The following ECRG4 variants were observed in gnomAD, a reference collection of about 807,000 sequenced individuals.
The protein encoded by ECRG4 is ECRG4 augurin precursor, also known as augurin.
A neutral mutation model predicts 15.8 loss-of-function variants in ECRG4; 18 were observed. That is an observed-to-expected ratio of 1.14 (90% confidence interval 0.79 to 1.69). ECRG4 has a LOEUF of 1.69. ECRG4 is among the 40% of genes most tolerant of loss of function. The pLI is 0.00. For synonymous variants in ECRG4, 82 were observed against 73.9 expected (o/e 1.11, Z -0.56); for missense variants, 200 against 190.9 (o/e 1.05, Z -0.28).
intron 3 of ECRG4, among the ~76,000 whole-genome samples, chr2:106,077,262 T>A (rs372421207): frequency 4.6e-5 from 7 of 152,198 alleles, no homozygotes; most frequent in African/African-American, 1.7e-4. Flanking sequence ...AGAGTCACCA[T>A]CAAATGTACC....
chr2:106,070,350 C>A (rs1008534861), intron 1 of ECRG4, among the ~76,000 whole-genome samples: 1 of 152,200 alleles, frequency 6.6e-6, no homozygotes, highest in African/African-American at 2.4e-5. Context: ...GGCCAGCAGG[C>A]TCCCTGGATG....
rs4271786 is a variant in ECRG4, at chr2:106,065,770, T to C, written c.6T>C (p.Ala2=). ...CCTGCTCGCGCCCCGCCGCCATGGCTGCCTCCCCCGCGCGGCCTGCTGTCC... is the reference window on the plus strand; with the variant it reads ...CCTGCTCGCGCCCCGCCGCCATGGCCGCCTCCCCCGCGCGGCCTGCTGTCC... M[A]ASPARPAVLA... is the part of the protein sequence containing the mutation. Residue 2 remains alanine (A), a synonymous_variant, in exon 1 of 4, where the codon GCT becomes GCC. Coordinates refer to ENST00000238044, the MANE Select transcript of ECRG4 (RefSeq NM_032411.3). 324,616 of 1,476,892 alleles carry C rather than the reference T, an allele frequency of 0.22. 37,443 individuals carry two copies. The highest frequency in any genetic ancestry group is 0.32 in the South Asian group (24,873 of 77,286). 91.5% of individuals were successfully genotyped at this position (1,476,892 alleles called of 1,614,324 possible).
At chr2:106,075,446 G>A (rs1676465114) in intron 3 of ECRG4, among the ~76,000 whole-genome samples, 1 of 152,236 alleles carries the variant, frequency 6.6e-6, no homozygotes, top group Non-Finnish European at 1.5e-5. Context: ...GCAGGGACGG[G>A]CATGGTGGCT....
chr2:106,067,182 C>T (rs1315514470), intron 1 of ECRG4, among the ~76,000 whole-genome samples: 1 of 151,146 alleles, frequency 6.6e-6, no homozygotes, highest in Non-Finnish European at 1.5e-5. Flanking sequence ...ATCCCAGCTA[C>T]TCGGGAGGCT....
intron 2 of ECRG4, among the ~76,000 whole-genome samples, chr2:106,072,812 C>G (rs2104796281): frequency 6.6e-6 from 1 of 152,338 alleles, no homozygotes; most frequent in South Asian, 2.1e-4. Flanking sequence ...GTGTGGTGGC[C>G]AGAGCCTTAC....
chr2:106,074,697 T>C (rs1189596898), intron 3 of ECRG4, among the ~76,000 whole-genome samples: 1 of 152,164 alleles, frequency 6.6e-6, no homozygotes, highest in Non-Finnish European at 1.5e-5. Context: ...TGGGCATCCA[T>C]CCATGGTGAC....
chr2:106,076,057 T>C (rs910007508), intron 3 of ECRG4, among the ~76,000 whole-genome samples: 1 of 152,224 alleles, frequency 6.6e-6, no homozygotes, highest in Admixed American at 6.5e-5. Context: ...GGCTCACGCC[T>C]GTAATCCTAG....
At chr2:106,076,179 G>A (rs370195788) in intron 3 of ECRG4, among the ~76,000 whole-genome samples, 8 of 152,060 alleles carry the variant, frequency 5.3e-5, no homozygotes, top group East Asian at 1.9e-4. Flanking sequence ...TTAGCCAGGC[G>A]TGGTGGCAGA....
chr2:106,065,638 C>G (rs1573356124), upstream of ECRG4: 1 of 655,828 alleles, frequency 1.5e-6, no homozygotes, highest in East Asian at 3.6e-5. Flanking sequence ...CGCTGGGTCC[C>G]GCCCCGGCAG....
At chr2:106,072,763 C>T (rs1471210678) in intron 2 of ECRG4, among the ~76,000 whole-genome samples, 1 of 152,202 alleles carries the variant, frequency 6.6e-6, no homozygotes, top group East Asian at 1.9e-4. Flanking sequence ...GGCCCACCCC[C>T]AATCTCTGAG....
At position 106,073,951 on chromosome 2, in the gene ECRG4, C is replaced by G; in HGVS notation, c.193C>G (p.Leu65Val). The G allele has an allele frequency of 6.2e-7, 1 of 1,614,212 alleles. No homozygotes were observed. Among genetic ancestry groups the G allele is most frequent in the South Asian group, 1.1e-5 (1 of 91,090 alleles). ...TAAAGCCAAAGAATTCCTTGGCAGC[C>G]TGAAGCGCCAGAAGCGGCAGCTGTG... ...ENKAKEFLGS[L>V]KRQKRQLWDR... Residue 65 changes from leucine (L) to valine (V), a missense_variant, in exon 3 of 4, where the codon CTG becomes GTG. By Grantham distance (32) the Leu-to-Val change is conservative. Coordinates refer to ENST00000238044, the MANE Select transcript of ECRG4 (RefSeq NM_032411.3).
At chr2:106,064,164 A>G (rs1464552678), upstream of ECRG4, 1 of 152,260 alleles carries the variant, frequency 6.6e-6, no homozygotes, top group Non-Finnish European at 1.5e-5. Flanking sequence ...TCCCCAAGAT[A>G]GCTAGATGTG....
chr2:106,068,840 G>A (rs1191477772), intron 1 of ECRG4, among the ~76,000 whole-genome samples: 1 of 152,196 alleles, frequency 6.6e-6, no homozygotes, highest in Non-Finnish European at 1.5e-5. Context: ...TGGAAGGGAA[G>A]TAGAGCGTTA....
At chr2:106,065,529 T>A, upstream of ECRG4, 1 of 360,720 alleles carries the variant, frequency 2.8e-6, no homozygotes, top group Non-Finnish European at 4.9e-6. Context: ...AGGGGCTGCG[T>A]TCCCCTTGGG....
intron 3 of ECRG4, chr2:106,074,291 G>A (rs542868366): frequency 8.3e-5 from 39 of 468,836 alleles, no homozygotes; most frequent in African/African-American, 2.5e-4. Flanking sequence ...CCAAAACAGC[G>A]GGGACCTAGA....
chr2:106,067,067 G>A (rs866712410), intron 1 of ECRG4, among the ~76,000 whole-genome samples: 9 of 78,032 alleles, frequency 1.2e-4, no homozygotes, highest in Non-Finnish European at 1.5e-4. Context: ...GCCGGGGGGG[G>A]GGGGGGGGCA....
In ECRG4 at chr2:106,070,986, G is replaced by A. The variant is rs1204981314; in HGVS notation, c.80-858G>A. 4 of 471,210 alleles carry A rather than the reference G, an allele frequency of 8.5e-6. No individual in the cohort carries two copies. In the Admixed American group the frequency reaches 9.4e-5, roughly 11 times the overall value. 29.2% of individuals were successfully genotyped at this position (471,210 alleles called of 1,614,324 possible). A position where few individuals can be genotyped will look rare whatever the true frequency, so the allele number is the denominator to read the frequency against. On this transcript the variant is annotated intron_variant, in intron 1 of 3. Coordinates refer to ENST00000238044, the MANE Select transcript of ECRG4 (RefSeq NM_032411.3). ...GCCAGTTCGCTGGGTGGAGGCGTGT[G>A]TTCTATCAGGCCAGACAAGGTATTT... is the stretch of plus-strand genomic sequence containing the variant.
intron 1 of ECRG4, among the ~76,000 whole-genome samples, chr2:106,068,678 GA>G (rs771535465): frequency 3.3e-5 from 5 of 152,198 alleles, no homozygotes; most frequent in Non-Finnish European, 5.9e-5. Context: ...CAAACAGATG[GA>G]GGGGCCATAC....
In ECRG4 at chr2:106,077,924, T is replaced by C; in HGVS notation, c.445T>C (p.Ter149GlnextTer2). The C allele has an allele frequency of 6.2e-7, 1 of 1,613,838 alleles. No homozygotes were observed. The highest frequency in any genetic ancestry group is 1.1e-5 in the South Asian group (1 of 91,016). The change falls in exon 4 of 4, where the codon TAA becomes CAA. Residue 149 changes from the stop codon to glutamine, a stop_lost. Transcript: ENST00000238044. ...HGASVNYDDY[*>Q] ...AGCCAGCGTCAACTACGATGACTAC[T>C]AACCATGACTTGCCACACGCTGTAC... is the stretch of plus-strand genomic sequence containing the variant.
Sources: allele counts gnomAD v4.1 joint callset (sites outside exome capture counted in the v4.1 genomes callset), GRCh38; gene constraint gnomAD v4.1.1; transcripts MANE v1.5; gene names NCBI Gene and HGNC (gene_info 2026-07-23, HGNC 2026-07-21).